The following CCDC83 variants were observed in gnomAD, a reference collection of about 807,000 sequenced individuals.
CCDC83 encodes the protein coiled-coil domain containing 83.
Under a neutral mutation model 50.1 loss-of-function variants are expected in CCDC83, and 54 were observed. The observed-to-expected ratio is 1.08, with a 90% CI of 0.87 to 1.35. The LOEUF (loss-of-function observed/expected upper bound fraction) is 1.35, where lower values mean the gene tolerates loss of function less well. Ranked by LOEUF, CCDC83 falls within the 40% of genes most tolerant of loss-of-function variation. CCDC83 has a pLI of 0.00. For missense variants in CCDC83, 518 were observed against 473.9 expected (o/e 1.09, Z -0.86); for synonymous variants, 161 against 153.3 (o/e 1.05, Z -0.37).
At chr11:85,909,696 C>T (rs2093444341) in intron 7 of CCDC83, among the ~76,000 whole-genome samples, 1 of 135,140 alleles carries the variant, frequency 7.4e-6, no homozygotes, top group Non-Finnish European at 1.5e-5. Context: ...GATCTCAGCT[C>T]ACTGTGACCT....
In CCDC83 at chr11:85,871,989, G is replaced by C. The variant is rs192428721; in HGVS notation, c.96-1222G>C. 4.1e-3 allele frequency among the ~76,000 whole-genome samples: 619 copies of C among 152,200 alleles called. 4 individuals carry two copies. Among genetic ancestry groups the C allele is most frequent in the African/African-American group, 0.014 (591 of 41,534 alleles). ...TTACTTTAAGACTGCATCTCACTCT[G>C]TCACCCAGGCTGGAGTGCAGTGGCA... On this transcript the variant is annotated intron_variant, in intron 2 of 10. Coordinates refer to ENST00000342404, the MANE Select transcript of CCDC83 (RefSeq NM_001286159.2).
chr11:85,870,733 CCTT>C (rs906813288), intron 2 of CCDC83, among the ~76,000 whole-genome samples: 8 of 152,040 alleles, frequency 5.3e-5, no homozygotes, highest in Admixed American at 3.3e-4. Context: ...CATTTATGGT[CCTT>C]CTTATATCCT....
chr11:85,910,655 T>C (rs903706440), intron 7 of CCDC83, among the ~76,000 whole-genome samples: 1 of 152,232 alleles, frequency 6.6e-6, no homozygotes, highest in African/African-American at 2.4e-5. Flanking sequence ...CTCTGACTTA[T>C]ACCTAAGTTC....
intron 10 of CCDC83, among the ~76,000 whole-genome samples, chr11:85,918,798 A>G (rs1298287075): frequency 6.6e-6 from 1 of 152,212 alleles, no homozygotes; most frequent in Non-Finnish European, 1.5e-5. Flanking sequence ...ACATGTTGCA[A>G]GAGAAAAGGA....
intron 1 of CCDC83, 102 bp downstream of exon 1, chr11:85,855,686 G>C (rs1391276038): frequency 6.6e-6 from 1 of 152,296 alleles, no homozygotes. Context: ...TCACTTGACA[G>C]TTTTCCCAAA....
intron 1 of CCDC83, among the ~76,000 whole-genome samples, chr11:85,864,849 AGGGAGTCTCTTAGAAAGTTTT>A (rs2093197706): frequency 6.6e-6 from 1 of 152,178 alleles, no homozygotes; most frequent in Non-Finnish European, 1.5e-5. Flanking sequence ...AACATAAGAG[AGGGAGTCTCTTAGAAAGTTTT>A]GGGTGGAGGG....
At chr11:85,868,274 A>C (rs1233389546) in intron 2 of CCDC83, among the ~76,000 whole-genome samples, 1 of 152,174 alleles carries the variant, frequency 6.6e-6, no homozygotes, top group East Asian at 1.9e-4. Flanking sequence ...TTTCTACAAT[A>C]AGTATGGATA....
At chr11:85,890,534 T>C (rs2093346593) in intron 5 of CCDC83, among the ~76,000 whole-genome samples, 2 of 152,160 alleles carry the variant, frequency 1.3e-5, no homozygotes, top group South Asian at 4.1e-4. Flanking sequence ...ATCAAGGGAA[T>C]GCAGATGAAA....
intron 7 of CCDC83, among the ~76,000 whole-genome samples, chr11:85,900,139 G>C (rs2093394395): frequency 6.6e-6 from 1 of 152,164 alleles, no homozygotes; most frequent in African/African-American, 2.4e-5. Flanking sequence ...TCTCTGCTCA[G>C]AGTCTGTGTG....
chr11:85,895,380 C>T lies in CCDC83; in HGVS notation c.599C>T (p.Thr200Ile). Residue 200 changes from threonine to isoleucine, a missense_variant, in exon 6 of 11, where the codon ACA (threonine) becomes ATA (isoleucine). By Grantham distance (89) the Thr-to-Ile change is moderately conservative (BLOSUM62 -1). Transcript: ENST00000342404. ...CTGGACCAAAAGAAGGAATGGGCCACACAGGTATAATTCAATTTTCTTAAA... is the reference window on the plus strand; with the variant it reads ...CTGGACCAAAAGAAGGAATGGGCCATACAGGTATAATTCAATTTTCTTAAA... ...LQLDQKKEWA[T>I]QNAVKLIDKG... The T allele has an allele frequency of 6.5e-7, 1 of 1,538,420 alleles. No individual in the cohort carries two copies.
rs537550158 is a variant in CCDC83, at chr11:85,855,479, G to C, written c.-134G>C. 1.4e-4 allele frequency: 21 copies of C among 152,358 alleles called. No individual in the cohort carries two copies. Among genetic ancestry groups the C allele is most frequent in the African/African-American group, 4.3e-4 (18 of 41,558 alleles). 9.4% of individuals were successfully genotyped at this position (152,358 alleles called of 1,614,324 possible). A position where few individuals can be genotyped will look rare whatever the true frequency, so the allele number is the denominator to read the frequency against. On this transcript the variant is annotated 5_prime_UTR_variant, in exon 1 of 11. Transcript: ENST00000342404. ...CACCCAGGAGATGAGAAGGAGGGCAGGCCTTTTTAATCTGATCAGAATGTT... is the reference window on the plus strand; with the variant it reads ...CACCCAGGAGATGAGAAGGAGGGCACGCCTTTTTAATCTGATCAGAATGTT...
chr11:85,871,965 T>C (rs1324080397), intron 2 of CCDC83, among the ~76,000 whole-genome samples: 2 of 152,184 alleles, frequency 1.3e-5, no homozygotes, highest in African/African-American at 4.8e-5. Context: ...TTTATTTATT[T>C]ACTTTAAGAC....
chr11:85,881,820 T>C (rs1319462504), intron 3 of CCDC83, among the ~76,000 whole-genome samples: 1 of 152,198 alleles, frequency 6.6e-6, no homozygotes, highest in Non-Finnish European at 1.5e-5. Flanking sequence ...ACTTTTCCCT[T>C]GTATTTAGTT....
At chr11:85,876,501 T>C (rs1490773350) in intron 3 of CCDC83, among the ~76,000 whole-genome samples, 1 of 152,148 alleles carries the variant, frequency 6.6e-6, no homozygotes, top group Non-Finnish European at 1.5e-5. Context: ...CAACTTCCTT[T>C]CTTGTTTTTT....
intron 7 of CCDC83, among the ~76,000 whole-genome samples, chr11:85,906,910 A>G (rs2093428475): frequency 6.8e-6 from 1 of 147,190 alleles, no homozygotes. Context: ...ATTAAATTAA[A>G]TTAAATTAAA....
chr11:85,856,713 T>A (rs2093143535), intron 1 of CCDC83, among the ~76,000 whole-genome samples: 1 of 152,236 alleles, frequency 6.6e-6, no homozygotes, highest in Non-Finnish European at 1.5e-5. Context: ...CTAGATATTT[T>A]TAAATACCTT....
chr11:85,876,394 A>AT (rs2093269405), intron 3 of CCDC83, among the ~76,000 whole-genome samples: 2 of 152,216 alleles, frequency 1.3e-5, no homozygotes, highest in African/African-American at 2.4e-5. Context: ...TACTAATGTC[A>AT]CTTTCCTGGA....
At chr11:85,917,130 AAGAAAG>A (rs1277485875) in intron 10 of CCDC83, among the ~76,000 whole-genome samples, 23 of 69,604 alleles carry the variant, frequency 3.3e-4, no homozygotes, top group African/African-American at 1.4e-3. Flanking sequence ...AAAAAAGAAA[AAGAAAG>A]AGAGAGAGAG....
chr11:85,866,375 A>G (rs961469784), intron 2 of CCDC83, among the ~76,000 whole-genome samples: 7 of 152,168 alleles, frequency 4.6e-5, no homozygotes, highest in African/African-American at 1.7e-4. Flanking sequence ...ACAGACAATA[A>G]ACCACTAATT....
Sources: gnomAD v4.1 joint callset for allele counts (sites outside exome capture counted in the v4.1 genomes callset) on GRCh38, gnomAD v4.1.1 for gene constraint, MANE v1.5 for transcripts, NCBI Gene and HGNC (gene_info 2026-07-23, HGNC 2026-07-21) for gene names.